IRAG2: variants seen among roughly 807,000 people sequenced by gnomAD.
The protein encoded by IRAG2 is lymphoid restricted membrane protein.
In IRAG2, 45 loss-of-function variants were observed where a neutral mutation model predicts 69.9. The observed-to-expected ratio is 0.64, with a 90% confidence interval of 0.51 to 0.83. IRAG2 has a LOEUF of 0.83. Among genes scored for constraint, IRAG2 ranks in the 40% least tolerant of loss-of-function variants. IRAG2 has a pLI of 0.00. For synonymous variants in IRAG2, 193 were observed against 202.4 expected (o/e 0.95, Z 0.40); for missense variants, 520 against 587.0 (o/e 0.89, Z 1.18).
chr12:25,016,864 G>C (rs73076073), intron 5 of IRAG2, among the ~76,000 whole-genome samples: 2,546 of 152,166 alleles, frequency 0.017, 54 homozygotes, highest in African/African-American at 0.051. Flanking sequence ...AAGGGGAAAA[G>C]AATCAACAAA....
intron 6 of IRAG2, among the ~76,000 whole-genome samples, chr12:25,070,137 A>G (rs1280692949): frequency 6.6e-6 from 1 of 152,216 alleles, no homozygotes; most frequent in South Asian, 2.1e-4. Context: ...CAGACAATTC[A>G]TTAATTTAAA....
At chr12:25,099,740 G>A (rs1418979888) in intron 15 of IRAG2, among the ~76,000 whole-genome samples, 5 of 152,168 alleles carry the variant, frequency 3.3e-5, no homozygotes, top group South Asian at 4.1e-4. Flanking sequence ...GGTGACTCAC[G>A]CCTGTAATCC....
rs71063386 is a variant in IRAG2 at position 25,013,866 on chromosome 12, C to CTTTTTTTTTT, written c.897-1299_897-1290dup. ...GGTTTTAATTTTTTGTTTTCTTTTT[C>CTTTTTTTTTT]TTTTTTTTTTTTTTTTTTTTTTTTT... On this transcript the variant is annotated intron_variant, in intron 3 of 38. Coordinates refer to the IRAG2 transcript ENST00000636465. Among the ~76,000 whole-genome samples the CTTTTTTTTTT allele has an allele frequency of 3.5e-4, 28 of 79,532 alleles. 4 individuals are homozygous for CTTTTTTTTTT. Among genetic ancestry groups the CTTTTTTTTTT allele is most frequent in the Non-Finnish European group, 4.5e-4 (20 of 44,496 alleles). The allele number at this position is 79,532 out of a possible 152,430, so 52.2% of individuals were successfully genotyped here.
Position 25,013,866 on chromosome 12 carries a change from C to CTTTTTTTTTTTTTTTTTTTTTTTTTTTTT in IRAG2, c.897-1290_897-1289insTTTTTTTTTTTTTTTTTTTTTTTTTTTTT, listed in dbSNP as rs71063386. Among the ~76,000 whole-genome samples, 2 of 79,530 alleles carry CTTTTTTTTTTTTTTTTTTTTTTTTTTTTT rather than the reference C, an allele frequency of 2.5e-5. 1 individual carries two copies. Among genetic ancestry groups the CTTTTTTTTTTTTTTTTTTTTTTTTTTTTT allele is most frequent in the Non-Finnish European group, 4.5e-5 (2 of 44,494 alleles). The allele number at this position is 79,530 out of a possible 152,430, so 52.2% of individuals were successfully genotyped here. On this transcript the variant is annotated intron_variant, in intron 3 of 38. Transcript: ENST00000636465. ...GGTTTTAATTTTTTGTTTTCTTTTT[C>CTTTTTTTTTTTTTTTTTTTTTTTTTTTTT]TTTTTTTTTTTTTTTTTTTTTTTTT...
rs531075630 is a variant in IRAG2, at chr12:25,101,230, T to C, written c.794T>C (p.Leu265Ser). 53 of 1,612,766 alleles carry C rather than the reference T, an allele frequency of 3.3e-5. No homozygotes were observed. In the East Asian group the frequency reaches 9.6e-4, roughly 29 times the overall value. ...GTGATGATTCAGCACGTAGAAAACTTGAAGAGGATGTATGCCAAAGAGCAC... is the reference window on the plus strand; with the variant it reads ...GTGATGATTCAGCACGTAGAAAACTCGAAGAGGATGTATGCCAAAGAGCAC... ...VEVMIQHVEN[L>S]KRMYAKEHAE... Residue 265 changes from leucine (L) to serine (S), a missense_variant, in exon 16 of 22, where the codon TTG becomes TCG. Leu to Ser is a moderately radical substitution (Grantham distance 145). Transcript: ENST00000556887.
At chr12:25,081,389 G>A (rs988336860) in intron 9 of IRAG2, among the ~76,000 whole-genome samples, 3 of 152,152 alleles carry the variant, frequency 2.0e-5, no homozygotes, top group Admixed American at 6.5e-5. Context: ...GCGTGAACCC[G>A]GGAGGCGGAG....
intron 6 of IRAG2, among the ~76,000 whole-genome samples, chr12:25,078,726 T>C (rs1946988551): frequency 6.6e-6 from 1 of 152,234 alleles, no homozygotes; most frequent in Admixed American, 6.5e-5. Context: ...TGTTAAGCTC[T>C]TTTTGAGAAT....
intron 21 of IRAG2, 66 bp downstream of exon 21, chr12:25,107,116 A>G: frequency 1.2e-6 from 1 of 829,572 alleles, no homozygotes; most frequent in East Asian, 2.8e-5. Context: ...CAGGGCTGAC[A>G]GTATTAATCC....
intron 8 of IRAG2, among the ~76,000 whole-genome samples, chr12:25,026,574 C>A (rs572613466): frequency 2.0e-5 from 3 of 151,972 alleles, no homozygotes; most frequent in Admixed American, 2.0e-4. Flanking sequence ...GGTTGTTGAA[C>A]GGTGGGATGC....
At chr12:25,021,749 T>G (rs1164433304) in intron 7 of IRAG2, among the ~76,000 whole-genome samples, 11 of 152,236 alleles carry the variant, frequency 7.2e-5, no homozygotes, top group Non-Finnish European at 1.6e-4. Context: ...GTTGCAAAAC[T>G]GTTTTTAGAG....
intron 21 of IRAG2, 138 bp downstream of exon 21, chr12:25,107,188 T>C: frequency 4.6e-6 from 2 of 437,994 alleles, no homozygotes; most frequent in Admixed American, 8.4e-5. Context: ...AAACTTTGTA[T>C]GTCAGGTTAT....
At chr12:25,037,377 C>G (rs1346464394) in intron 15 of IRAG2, among the ~76,000 whole-genome samples, 1 of 152,156 alleles carries the variant, frequency 6.6e-6, no homozygotes, top group Non-Finnish European at 1.5e-5. Flanking sequence ...TAGCTCACTG[C>G]AAACTCTGCC....
chr12:25,022,354 C>T (rs538871430), intron 7 of IRAG2, among the ~76,000 whole-genome samples: 2 of 151,990 alleles, frequency 1.3e-5, no homozygotes, highest in Non-Finnish European at 2.9e-5. Context: ...ATTAGCCAGG[C>T]GTGGTGACAC....
chr12:25,026,877 C>A, intron 9 of IRAG2: 1 of 1,190,430 alleles, frequency 8.4e-7, no homozygotes, highest in Non-Finnish European at 1.1e-6. Context: ...GTAAGCACTT[C>A]CCAAATACTG....
At chr12:25,062,086 C>G (rs368154414) in intron 2 of IRAG2, among the ~76,000 whole-genome samples, 3 of 152,228 alleles carry the variant, frequency 2.0e-5, no homozygotes, top group Admixed American at 6.5e-5. Context: ...CTATTTCTTT[C>G]TGTATGGGTC....
rs71063386 is a variant in IRAG2, at chr12:25,013,866, C to CTTTTTTTTT, written c.897-1298_897-1290dup. Among the ~76,000 whole-genome samples, 384 of 79,516 alleles carry CTTTTTTTTT rather than the reference C, an allele frequency of 4.8e-3. 33 individuals are homozygous for CTTTTTTTTT. The highest frequency in any genetic ancestry group is 6.3e-3 in the Non-Finnish European group (281 of 44,482). 52.2% of individuals were successfully genotyped at this position (79,516 alleles called of 152,430 possible). ...GGTTTTAATTTTTTGTTTTCTTTTT[C>CTTTTTTTTT]TTTTTTTTTTTTTTTTTTTTTTTTT... On this transcript the variant is annotated intron_variant, in intron 3 of 38. Coordinates refer to the IRAG2 transcript ENST00000636465.
chr12:25,032,845 G>T (rs1944678493), intron 12 of IRAG2, among the ~76,000 whole-genome samples: 1 of 152,130 alleles, frequency 6.6e-6, no homozygotes, highest in African/African-American at 2.4e-5. Flanking sequence ...CATCGCATTG[G>T]GGTTAGGAAT....
At chr12:25,014,301 A>G (rs1232718600) in intron 3 of IRAG2, among the ~76,000 whole-genome samples, 2 of 152,192 alleles carry the variant, frequency 1.3e-5, no homozygotes, top group Non-Finnish European at 2.9e-5. Flanking sequence ...TAAAGGAAAA[A>G]TCATGGGCGC....
intron 16 of IRAG2, among the ~76,000 whole-genome samples, chr12:25,041,900 A>G (rs1333193591): frequency 6.6e-6 from 1 of 151,680 alleles, no homozygotes; most frequent in African/African-American, 2.4e-5. Context: ...ATAAAATAAT[A>G]GAGTGCATTA....
Sources: allele counts gnomAD v4.1 joint callset (sites outside exome capture counted in the v4.1 genomes callset), GRCh38; gene constraint gnomAD v4.1.1; transcripts MANE v1.5; gene names NCBI Gene and HGNC (gene_info 2026-07-23, HGNC 2026-07-21).